Variants in PPIG observed in about 807,000 individuals in gnomAD.
PPIG encodes the protein peptidylprolyl isomerase G, also known as peptidyl-prolyl cis-trans isomerase G.
PPIG carries 26 observed loss-of-function variants against 87.9 expected under a neutral mutation model. That is an observed-to-expected ratio of 0.30 (90% CI 0.22 to 0.41). PPIG has a LOEUF of 0.41. Ranked by LOEUF, PPIG falls within the 10% of genes least tolerant of loss-of-function variation. PPIG has a pLI of 1.00. For missense variants in PPIG, 722 were observed against 879.4 expected, an observed-to-expected ratio of 0.82 and a Z score of 2.26; for synonymous variants, 308 against 276.5, an observed-to-expected ratio of 1.11 and a Z score of -1.13.
intron 10 of PPIG, 142 bp from the exon 11 acceptor site, chr2:169,631,624 T>A: frequency 6.9e-7 from 1 of 1,449,728 alleles, no homozygotes; most frequent in Non-Finnish European, 9.0e-7. Context: ...AATAGAAGAT[T>A]TTTCCCATGC....
intron 1 of PPIG, among the ~76,000 whole-genome samples, chr2:169,595,333 A>C (rs963031545): frequency 2.0e-5 from 3 of 152,348 alleles, no homozygotes; most frequent in African/African-American, 7.2e-5. Flanking sequence ...ATATTTTGAT[A>C]CAGGCATGCA....
chr2:169,629,869 C>G (rs1685989711), intron 9 of PPIG, among the ~76,000 whole-genome samples: 1 of 152,148 alleles, frequency 6.6e-6, no homozygotes, highest in African/African-American at 2.4e-5. Context: ...ACCACAAAGG[C>G]AAGATAAATG....
At position 169,584,351 on chromosome 2, in the gene PPIG, G is replaced by A; in HGVS notation, c.-209G>A. 1 of 471,080 alleles carries A rather than the reference G, an allele frequency of 2.1e-6. No individual in the cohort carries two copies. Among genetic ancestry groups the A allele is most frequent in the South Asian group, 1.5e-5 (1 of 64,574 alleles). 29.2% of individuals were successfully genotyped at this position (471,080 alleles called of 1,614,324 possible). The stretch of plus-strand genomic sequence containing the variant: ...AACCCACTCCTGACGCGCTTCCGGT[G>A]CGACGCTGTCTCTCCATGCCAGGAC... On this transcript the variant is annotated 5_prime_UTR_variant, in exon 1 of 14. Transcript: ENST00000260970.
intron 1 of PPIG, among the ~76,000 whole-genome samples, chr2:169,589,927 T>C (rs939365451): frequency 1.3e-5 from 2 of 151,780 alleles, no homozygotes; most frequent in African/African-American, 4.8e-5. Context: ...CTGACCAACA[T>C]GGAGAAACCC....
chr2:169,632,556 A>G lies in PPIG; in HGVS notation c.930-604A>G, dbSNP rs1686085433. On this transcript the variant is annotated intron_variant, in intron 11 of 13. Coordinates refer to ENST00000260970, the MANE Select transcript of PPIG (RefSeq NM_004792.3). ...GGAGATGGAGACCATCCTGGCTAAC[A>G]TGGTGAAACCCCATCTCTACTAAAA... Among the ~76,000 whole-genome samples the G allele has an allele frequency of 3.3e-5, 5 of 151,842 alleles. No individual in the cohort carries two copies. In the South Asian group the frequency reaches 8.4e-4, roughly 25 times the overall value.
In PPIG at chr2:169,591,864, G is replaced by T. The variant is rs1411687058; in HGVS notation, c.-70+7374G>T. 2.7e-5 allele frequency among the ~76,000 whole-genome samples: 4 copies of T among 148,498 alleles called. No homozygotes were observed. In the South Asian group the frequency reaches 8.6e-4, roughly 32 times the overall value. On this transcript the variant is annotated intron_variant, in intron 1 of 13. Coordinates refer to ENST00000260970, the MANE Select transcript of PPIG (RefSeq NM_004792.3). Reference sequence around the variant, plus strand: ...ATTTGCAGCAAACAAATCACCCACAGATTACTACTACACTGAAAATTTTGA... The same window carrying T: ...ATTTGCAGCAAACAAATCACCCACATATTACTACTACACTGAAAATTTTGA...
rs556501583 is a variant in PPIG at position 169,621,672 on chromosome 2, A to G, written c.547+6948A>G. 2.0e-4 allele frequency among the ~76,000 whole-genome samples: 30 copies of G among 152,228 alleles called. No homozygotes were observed. The South Asian group carries it at 6.0e-3, about 30-fold the overall frequency. On this transcript the variant is annotated intron_variant, in intron 9 of 13. Transcript: ENST00000260970. ...AGTACAGTAGGAATATTTTAGGTTAAGGCATTATTCTTCCCAAGTCATCTA... is the reference window on the plus strand; with the variant it reads ...AGTACAGTAGGAATATTTTAGGTTAGGGCATTATTCTTCCCAAGTCATCTA...
chr2:169,594,530 A>G (rs947170931), intron 1 of PPIG, among the ~76,000 whole-genome samples: 2 of 150,418 alleles, frequency 1.3e-5, no homozygotes, highest in Admixed American at 1.3e-4. Context: ...TATAGTCTGT[A>G]TTGTTTACTA....
chr2:169,594,225 A>G (rs1247828221), intron 1 of PPIG, among the ~76,000 whole-genome samples: 2 of 151,954 alleles, frequency 1.3e-5, no homozygotes, highest in Admixed American at 6.6e-5. Flanking sequence ...TTAAATTTCA[A>G]AGGAGTTGTA....
At chr2:169,635,614 T>C (rs1686158556) in intron 12 of PPIG, among the ~76,000 whole-genome samples, 1 of 151,982 alleles carries the variant, frequency 6.6e-6, no homozygotes. Flanking sequence ...ATCCTAAGGG[T>C]TGAATAAGTG....
chr2:169,598,038 T>C (rs1685071521), intron 1 of PPIG, among the ~76,000 whole-genome samples: 1 of 151,116 alleles, frequency 6.6e-6, no homozygotes, highest in East Asian at 2.0e-4. Context: ...TCCCACTCTG[T>C]CGCCCAATCT....
At chr2:169,635,551 C>T (rs1432828666) in intron 12 of PPIG, among the ~76,000 whole-genome samples, 3 of 152,180 alleles carry the variant, frequency 2.0e-5, no homozygotes, top group African/African-American at 7.2e-5. Flanking sequence ...AAAGCACACT[C>T]ATATATCTTG....
intron 1 of PPIG, among the ~76,000 whole-genome samples, chr2:169,585,600 G>C (rs1053412260): frequency 6.6e-6 from 1 of 152,124 alleles, no homozygotes; most frequent in African/African-American, 2.4e-5. Flanking sequence ...AGATGTGCTG[G>C]CAAGGAGTAT....
At chr2:169,623,403 A>C (rs1023427234) in intron 9 of PPIG, among the ~76,000 whole-genome samples, 3 of 152,222 alleles carry the variant, frequency 2.0e-5, no homozygotes, top group Non-Finnish European at 4.4e-5. Context: ...GAGAAGTAGG[A>C]TATACATAAC....
chr2:169,618,403 G>C (rs577769244), intron 9 of PPIG, among the ~76,000 whole-genome samples: 1 of 152,060 alleles, frequency 6.6e-6, no homozygotes. Flanking sequence ...TTTTTCTATT[G>C]TTTGGAATAG....
At position 169,638,442 on chromosome 2, in the gene PPIG, A is replaced by C. The variant is rs1177779485; in HGVS notation, c.*919A>C. On this transcript the variant is annotated 3_prime_UTR_variant, in exon 14 of 14. Transcript: ENST00000260970. ...TAGTATTGAGACATTAACTTCTAAG[A>C]TTTCTCTTTTTTGGCCTCCAACCTA... 6.6e-6 allele frequency: 1 copy of C among 151,852 alleles called. No individual in the cohort carries two copies. 9.4% of individuals were successfully genotyped at this position (151,852 alleles called of 1,614,324 possible).
At chr2:169,609,108 T>A (rs1160350462) in intron 7 of PPIG, among the ~76,000 whole-genome samples, 1 of 151,928 alleles carries the variant, frequency 6.6e-6, no homozygotes, top group Non-Finnish European at 1.5e-5. Context: ...AAATCCCGTT[T>A]TTGGTCTGTC....
At position 169,608,431 on chromosome 2, in the gene PPIG, A is replaced by G. The variant is rs188016432; in HGVS notation, c.290-240A>G. On this transcript the variant is annotated intron_variant, in intron 6 of 13. Coordinates refer to ENST00000260970, the MANE Select transcript of PPIG (RefSeq NM_004792.3). ...GTGAACCCAGGAGGTGGAGCTTAAC[A>G]GTGAGCCGAGATTGGGCCACTGCAC... 4.4e-3 allele frequency among the ~76,000 whole-genome samples: 661 copies of G among 151,808 alleles called. 2 individuals are homozygous for G. Among genetic ancestry groups the G allele is most frequent in the Admixed American group, 6.9e-3 (105 of 15,250 alleles).
intron 1 of PPIG, among the ~76,000 whole-genome samples, chr2:169,590,474 A>C (rs896635346): frequency 6.6e-6 from 1 of 151,978 alleles, no homozygotes; most frequent in African/African-American, 2.4e-5. Flanking sequence ...CCCCATCTCT[A>C]CTAAAAAAAT....
Sources: allele counts gnomAD v4.1 joint callset (sites outside exome capture counted in the v4.1 genomes callset), GRCh38; gene constraint gnomAD v4.1.1; transcripts MANE v1.5; gene names NCBI Gene and HGNC (gene_info 2026-07-23, HGNC 2026-07-21).